The following RNF39 variants were observed in gnomAD, a reference collection of about 807,000 sequenced individuals.
RNF39 encodes ring finger protein 39.
Under a neutral mutation model 29.2 loss-of-function variants are expected in RNF39, and 25 were observed. That is an observed-to-expected ratio of 0.86 (90% CI 0.62 to 1.20). The LOEUF (loss-of-function observed/expected upper bound fraction) is 1.20. RNF39 is among the 50% of genes most tolerant of loss of function. The pLI is 0.00. For missense variants in RNF39, 519 were observed against 515.0 expected (o/e 1.01, Z -0.08); for synonymous variants, 219 against 229.0 (o/e 0.96, Z 0.40).
rs781135384 is a variant in RNF39 at position 30,073,246 on chromosome 6, A to C, written c.389T>G (p.Phe130Cys). The C allele has an allele frequency of 6.2e-7, 1 of 1,604,884 alleles. No individual in the cohort carries two copies. The highest frequency in any genetic ancestry group is 1.7e-5 in the Admixed American group (1 of 59,920). ...GEDMRKTWRR[F>C]EVPTSKSSNS... ...AGATGACTTGGATGTTGGGACTTCA[A>C]ATCTACACAGATGAGGGGAAGGGTC... The change falls in exon 3 of 4, where the codon TTT (phenylalanine) becomes TGT (cysteine). Residue 130 changes from phenylalanine to cysteine, a missense_variant and splice_region_variant. Physicochemically the swap from Phe to Cys is radical, Grantham distance 205. Transcript: ENST00000244360.
In RNF39 at chr6:30,074,436, T is replaced by C. The variant is rs374732567; in HGVS notation, c.363+787A>G. ...CGGGGCCCAGGAGAGGCGCGGGGGG[T>C]AGATGGGTGGTAAGACTGGGATGTG... On this transcript the variant is annotated intron_variant, in intron 1 of 3. Transcript: ENST00000244360. This position sits in a 1 kb window ranked among gnomAD's most constrained non-coding sequence, Gnocchi z 4.1. 2.5e-4 allele frequency among the ~76,000 whole-genome samples: 38 copies of C among 150,822 alleles called. 1 individual carries two copies. In the East Asian group the frequency reaches 3.5e-3, roughly 14 times the overall value.
chr6:30,071,758 G>T lies in RNF39; in HGVS notation c.479-67C>A. 1 of 1,278,076 alleles carries T rather than the reference G, an allele frequency of 7.8e-7. No individual in the cohort carries two copies. The highest frequency in any genetic ancestry group is 1.0e-6 in the Non-Finnish European group (1 of 975,546). 79.2% of individuals were successfully genotyped at this position (1,278,076 alleles called of 1,614,324 possible). A position where few individuals can be genotyped will look rare whatever the true frequency, so the allele number is the denominator to read the frequency against. On this transcript the variant is annotated intron_variant, in intron 3 of 3. Transcript: ENST00000244360. This position sits in a 1 kb window ranked among gnomAD's most constrained non-coding sequence, Gnocchi z 5.0. The stretch of plus-strand genomic sequence containing the variant: ...TTCTAAATCACAGGCGGGGTAGGGT[G>T]GAGAATAGTCAACGAAGATCACGTA...
At chr6:30,073,096 A>G (rs2127321449) in intron 3 of RNF39, 61 bp downstream of exon 3, 1 of 1,216,928 alleles carries the variant, frequency 8.2e-7, no homozygotes, top group Non-Finnish European at 1.2e-6. Flanking sequence ...TAGGGCTAAA[A>G]GGAAGAAAAT....
intron 2 of RNF39, 68 bp downstream of exon 2, chr6:30,073,388 G>A: frequency 1.2e-6 from 2 of 1,600,658 alleles, no homozygotes; most frequent in Middle Eastern, 1.7e-4. Context: ...CAAAGGTGTG[G>A]GCCCAGTGAG....
chr6:30,071,558 A>G lies in RNF39; in HGVS notation c.612T>C (p.Ala204=), dbSNP rs902373382. The G allele has an allele frequency of 9.5e-5, 143 of 1,504,272 alleles. No individual in the cohort carries two copies. Among genetic ancestry groups the G allele is most frequent in the Non-Finnish European group, 1.2e-4 (136 of 1,132,860 alleles). The allele number at this position is 1,504,272 out of a possible 1,614,324, so 93.2% of individuals were successfully genotyped here. A position where few individuals can be genotyped will look rare whatever the true frequency, so the allele number is the denominator to read the frequency against. Residue 204 remains alanine, a synonymous_variant, in exon 4 of 4, where the codon GCT becomes GCC. Coordinates refer to ENST00000244360, the MANE Select transcript of RNF39 (RefSeq NM_025236.4). The surrounding 1 kb of genome is among the most constrained non-coding windows in gnomAD (Gnocchi z 5.0). The stretch of plus-strand genomic sequence containing the variant: ...CCCCGAAGCCCTGCGCACCCAGCAC[A>G]GCTGGGAGCTGATCGAAGCGCTTGG... ...DGPKRFDQLP[A]VLGAQGFGAG...
At position 30,071,167 on chromosome 6, in the gene RNF39, G is replaced by T; in HGVS notation, c.1003C>A (p.Leu335Met). 1 of 1,526,802 alleles carries T rather than the reference G, an allele frequency of 6.5e-7. No individual in the cohort carries two copies. Among genetic ancestry groups the T allele is most frequent in the Non-Finnish European group, 8.8e-7 (1 of 1,138,642 alleles). The allele number at this position is 1,526,802 out of a possible 1,614,324, so 94.6% of individuals were successfully genotyped here. A position where few individuals can be genotyped will look rare whatever the true frequency, so the allele number is the denominator to read the frequency against. ...PGPLGERIFP[L>M]FCTCDPRAPL... ...GCACGAGGGTCGCAGGTGCAGAACA[G>T]CGGGAAGATGCGCTCCCCCAGGGGG... is the stretch of plus-strand genomic sequence containing the variant. Residue 335 changes from leucine to methionine, a missense_variant, in exon 4 of 4, where the codon CTG (leucine) becomes ATG (methionine). Physicochemically the swap from Leu to Met is conservative, Grantham distance 15. Coordinates refer to ENST00000244360, the MANE Select transcript of RNF39 (RefSeq NM_025236.4). The surrounding 1 kb of genome is among the most constrained non-coding windows in gnomAD (Gnocchi z 5.0).
rs1000417246 is a variant in RNF39 at position 30,071,585 on chromosome 6, G to A, written c.585C>T (p.Gly195=). Residue 195 remains glycine (G), a synonymous_variant, in exon 4 of 4, where the codon GGC becomes GGT. Transcript: ENST00000244360. This position sits in a 1 kb window ranked among gnomAD's most constrained non-coding sequence, Gnocchi z 5.0. ...APPGTPAPPD[G]PKRFDQLPAV... ...CTGGGAGCTGATCGAAGCGCTTGGG[G>A]CCGTCAGGGGGCGCGGGCGTCCCTG... is the stretch of plus-strand genomic sequence containing the variant. The A allele has an allele frequency of 1.4e-6, 2 of 1,476,836 alleles. No homozygotes were observed. The highest frequency in any genetic ancestry group is 2.9e-5 in the African/African-American group (2 of 69,408). The allele number at this position is 1,476,836 out of a possible 1,614,324, so 91.5% of individuals were successfully genotyped here.
Position 30,071,589 on chromosome 6 carries a change from T to C in RNF39, c.581A>G (p.Asp194Gly). ...LAPPGTPAPPDGPKRFDQLPA... is the reference protein window; with the variant it reads ...LAPPGTPAPPGGPKRFDQLPA... The stretch of plus-strand genomic sequence containing the variant: ...GAGCTGATCGAAGCGCTTGGGGCCG[T>C]CAGGGGGCGCGGGCGTCCCTGGTGG... The change falls in exon 4 of 4, where the codon GAC (aspartate) becomes GGC (glycine). Residue 194 changes from aspartate (D) to glycine (G), a missense_variant. Asp to Gly is a moderately conservative substitution (Grantham distance 94). Coordinates refer to ENST00000244360, the MANE Select transcript of RNF39 (RefSeq NM_025236.4). The surrounding 1 kb of genome is among the most constrained non-coding windows in gnomAD (Gnocchi z 5.0). 6.8e-7 allele frequency: 1 copy of C among 1,469,942 alleles called. No homozygotes were observed. The allele number at this position is 1,469,942 out of a possible 1,614,324, so 91.1% of individuals were successfully genotyped here.
In RNF39 at chr6:30,071,584, G is replaced by A. The variant is rs1765984154; in HGVS notation, c.586C>T (p.Pro196Ser). ...GCTGGGAGCTGATCGAAGCGCTTGG[G>A]GCCGTCAGGGGGCGCGGGCGTCCCT... Reference protein sequence around the residue: ...PPGTPAPPDGPKRFDQLPAVL... With the variant: ...PPGTPAPPDGSKRFDQLPAVL... Residue 196 changes from proline (P) to serine (S), a missense_variant, in exon 4 of 4, where the codon CCC becomes TCC. Physicochemically the swap from Pro to Ser is moderately conservative, Grantham distance 74. Coordinates refer to ENST00000244360, the MANE Select transcript of RNF39 (RefSeq NM_025236.4). The surrounding 1 kb of genome is among the most constrained non-coding windows in gnomAD (Gnocchi z 5.0). 1 of 1,476,514 alleles carries A rather than the reference G, an allele frequency of 6.8e-7. No homozygotes were observed. The highest frequency in any genetic ancestry group is 8.9e-7 in the Non-Finnish European group (1 of 1,120,478). The allele number at this position is 1,476,514 out of a possible 1,614,324, so 91.5% of individuals were successfully genotyped here. A position where few individuals can be genotyped will look rare whatever the true frequency, so the allele number is the denominator to read the frequency against.
At position 30,071,633 on chromosome 6, in the gene RNF39, G is replaced by C. The variant is rs1192937885; in HGVS notation, c.537C>G (p.Arg179=). 7.0e-7 allele frequency: 1 copy of C among 1,436,612 alleles called. No individual in the cohort carries two copies. The highest frequency in any genetic ancestry group is 1.5e-5 in the African/African-American group (1 of 67,032). The allele number at this position is 1,436,612 out of a possible 1,614,324, so 89.0% of individuals were successfully genotyped here. ...CTGGTGGGGCCAGTTGTACGCTGCG[G>C]CGGTCGGCGGAGATGAGCAGGCGGC... is the stretch of plus-strand genomic sequence containing the variant. ...AHRRLLISAD[R]RSVQLAPPGT... is the part of the protein sequence containing the mutation. Residue 179 remains arginine (R), a synonymous_variant, in exon 4 of 4, where the codon CGC becomes CGG. Transcript: ENST00000244360. The surrounding 1 kb of genome is among the most constrained non-coding windows in gnomAD (Gnocchi z 5.0).
At position 30,075,423 on chromosome 6, in the gene RNF39, C is replaced by T. The variant is rs1001215432; in HGVS notation, c.163G>A (p.Gly55Ser). Residue 55 changes from glycine to serine, a missense_variant, in exon 1 of 4, where the codon GGC (glycine) becomes AGC (serine). Coordinates refer to ENST00000244360, the MANE Select transcript of RNF39 (RefSeq NM_025236.4). ...ARRWGTPPATGTEASPTACPC... is the reference protein window; with the variant it reads ...ARRWGTPPATSTEASPTACPC... Reference sequence around the variant, plus strand: ...CAGGCGGTGGGGGAAGCCTCGGTGCCGGTCGCCGGCGGAGTCCCCCAGCGG... The same window carrying T: ...CAGGCGGTGGGGGAAGCCTCGGTGCTGGTCGCCGGCGGAGTCCCCCAGCGG... 3.2e-6 allele frequency: 5 copies of T among 1,553,404 alleles called. No homozygotes were observed. The highest frequency in any genetic ancestry group is 1.9e-5 in the Admixed American group (1 of 52,916).
intron 2 of RNF39, 89 bp downstream of exon 2, chr6:30,073,367 A>G: frequency 1.3e-6 from 2 of 1,580,896 alleles, no homozygotes; most frequent in South Asian, 2.2e-5. Context: ...AAACCTGCCT[A>G]TTAATGGGAA....
chr6:30,075,336 C>G lies in RNF39; in HGVS notation c.250G>C (p.Glu84Gln), dbSNP rs946689450. 20 of 1,590,716 alleles carry G rather than the reference C, an allele frequency of 1.3e-5. No homozygotes were observed. The highest frequency in any genetic ancestry group is 1.6e-5 in the Non-Finnish European group (19 of 1,171,342). The change falls in exon 1 of 4, where the codon GAG becomes CAG. Residue 84 changes from glutamate to glutamine, a missense_variant. By Grantham distance (29) the Glu-to-Gln change is conservative. Transcript: ENST00000244360. The stretch of plus-strand genomic sequence containing the variant: ...CGCAGCTCGCGGCTGATTCGCACCT[C>G]CACCGCCAGCCGCACATTAGACCTC... Reference protein sequence around the residue: ...SLRSNVRLAVEVRISRELREK... With the variant: ...SLRSNVRLAVQVRISRELREK...
chr6:30,071,776 A>T lies in RNF39; in HGVS notation c.479-85T>A. On this transcript the variant is annotated intron_variant, in intron 3 of 3. Coordinates refer to ENST00000244360, the MANE Select transcript of RNF39 (RefSeq NM_025236.4). The surrounding 1 kb of genome is among the most constrained non-coding windows in gnomAD (Gnocchi z 5.0). ...GTAGGGTGGAGAATAGTCAACGAAG[A>T]TCACGTAAAAGACTGAGAGCTAGTG... 8.5e-7 allele frequency: 1 copy of T among 1,179,468 alleles called. No homozygotes were observed. Among genetic ancestry groups the T allele is most frequent in the Non-Finnish European group, 1.1e-6 (1 of 890,750 alleles). 73.1% of individuals were successfully genotyped at this position (1,179,468 alleles called of 1,614,324 possible).
In RNF39 at chr6:30,071,456, G is replaced by A. The variant is rs1440457622; in HGVS notation, c.714C>T (p.Asp238=). Residue 238 remains aspartate (D), a synonymous_variant, in exon 4 of 4, where the codon GAC becomes GAT. Coordinates refer to ENST00000244360, the MANE Select transcript of RNF39 (RefSeq NM_025236.4). The surrounding 1 kb of genome is among the most constrained non-coding windows in gnomAD (Gnocchi z 5.0). ...CRDSSGEDAD[D]EESHYAVGAA... ...CGCCCACTGCATAGTGGCTCTCCTC[G>A]TCGTCCGCATCCTCCCCAGAAGAGT... The A allele has an allele frequency of 1.9e-6, 3 of 1,559,066 alleles. No individual in the cohort carries two copies. The highest frequency in any genetic ancestry group is 1.9e-5 in the Admixed American group (1 of 53,694).
Position 30,070,600 on chromosome 6 carries a change from T to C in RNF39, c.*511A>G. On this transcript the variant is annotated 3_prime_UTR_variant, in exon 4 of 4. Transcript: ENST00000244360. ...AGATCCTGCAAAAGAGGTACAAAGC[T>C]TCCCAGAGGGCCACAGGGCCCAGAC... is the stretch of plus-strand genomic sequence containing the variant. The C allele has an allele frequency of 3.0e-6, 1 of 334,490 alleles. No homozygotes were observed. The highest frequency in any genetic ancestry group is 2.5e-5 in the South Asian group (1 of 40,794). The allele number at this position is 334,490 out of a possible 1,614,324, so 20.7% of individuals were successfully genotyped here.
In RNF39 at chr6:30,071,348, GCCGCCGCGGC is replaced by G. The variant is rs1215664563; in HGVS notation, c.812_821del (p.Gly271AlafsTer128). 1.1e-5 allele frequency: 16 copies of G among 1,458,750 alleles called. No individual in the cohort carries two copies. Among genetic ancestry groups the G allele is most frequent in the Non-Finnish European group, 1.3e-5 (15 of 1,113,298 alleles). The allele number at this position is 1,458,750 out of a possible 1,614,324, so 90.4% of individuals were successfully genotyped here. A position where few individuals can be genotyped will look rare whatever the true frequency, so the allele number is the denominator to read the frequency against. On this transcript the variant is annotated frameshift_variant, in exon 4 of 4. Transcript: ENST00000244360. LOFTEE classifies it high-confidence loss of function. This position sits in a 1 kb window ranked among gnomAD's most constrained non-coding sequence, Gnocchi z 5.0. The stretch of plus-strand genomic sequence containing the variant: ...CGGGTGCCGTGAGGGCCCACAGGCG[GCCGCCGCGGC>G]CCTCCACGGCCCACACGGCCCCCGC...
rs780187420 is a variant in RNF39, at chr6:30,073,462, C to T, written c.380G>A (p.Trp127Ter). 8 of 1,614,102 alleles carry T rather than the reference C, an allele frequency of 5.0e-6. 1 individual carries two copies. The Admixed American group carries it at 1.3e-4, about 27-fold the overall frequency. ...ACAGAAAAGTGGAACTCACCGTCTC[C>T]ATGTCTTCCTCATATCCTAGGATGG... Reference protein sequence around the residue: ...DLPGEDMRKTWRRFEVPTSKS... With the variant: ...DLPGEDMRKT Residue 127 changes from tryptophan to a stop codon, truncating the protein, a stop_gained, in exon 2 of 4, where the codon TGG becomes TAG. Transcript: ENST00000244360. LOFTEE classifies it high-confidence loss of function.
Position 30,075,731 on chromosome 6 carries a change from C to G in RNF39, c.-146G>C. ...AACTTTTGCCGCTTTCCGCCCCTCT[C>G]CTGGGATTGCCTCTCTCTTCAACCA... On this transcript the variant is annotated 5_prime_UTR_variant, in exon 1 of 4. Transcript: ENST00000244360. 1 of 1,614,254 alleles carries G rather than the reference C, an allele frequency of 6.2e-7. No homozygotes were observed. Among genetic ancestry groups the G allele is most frequent in the African/African-American group, 1.3e-5 (1 of 75,066 alleles).
Sources: gnomAD v4.1 joint callset for allele counts (sites outside exome capture counted in the v4.1 genomes callset) on GRCh38, gnomAD v4.1.1 for gene constraint, Gnocchi (gnomAD v3.1) non-coding constraint, MANE v1.5 for transcripts, NCBI Gene and HGNC (gene_info 2026-07-23, HGNC 2026-07-21) for gene names.